The following SORCS1 variants were observed in gnomAD, a reference collection of about 807,000 sequenced individuals.
The protein encoded by SORCS1 is VPS10 domain-containing receptor SorCS1.
Under a neutral mutation model 146.1 loss-of-function variants are expected in SORCS1, and 60 were observed. The observed-to-expected ratio is 0.41, with a 90% confidence interval of 0.33 to 0.51. The LOEUF (loss-of-function observed/expected upper bound fraction) is 0.51, where lower values mean the gene tolerates loss of function less well. SORCS1 is among the 20% of genes least tolerant of loss of function. SORCS1 has a pLI of 0.21. For missense variants in SORCS1, 1,352 were observed against 1,487.6 expected, an observed-to-expected ratio of 0.91 and a Z score of 1.50; for synonymous variants, 637 against 584.0, an observed-to-expected ratio of 1.09 and a Z score of -1.31.
At chr10:106,903,274 T>C (rs1334792514) in intron 2 of SORCS1, among the ~76,000 whole-genome samples, 1 of 152,212 alleles carries the variant, frequency 6.6e-6, no homozygotes, top group Non-Finnish European at 1.5e-5. Flanking sequence ...TGGACTCTTA[T>C]GAAAGCATTT....
chr10:106,717,933 T>A (rs1855495653), intron 6 of SORCS1, among the ~76,000 whole-genome samples: 1 of 152,240 alleles, frequency 6.6e-6, no homozygotes, highest in Admixed American at 6.5e-5. Flanking sequence ...TCACTTTGTA[T>A]CACACAGAGC....
chr10:106,721,658 C>T (rs1447337492), intron 6 of SORCS1, among the ~76,000 whole-genome samples: 1 of 152,140 alleles, frequency 6.6e-6, no homozygotes, highest in South Asian at 2.1e-4. Context: ...TTTATTGTTG[C>T]AAATATTTCA....
At chr10:106,711,229 T>C (rs1203750681) in intron 6 of SORCS1, among the ~76,000 whole-genome samples, 2 of 152,204 alleles carry the variant, frequency 1.3e-5, no homozygotes, top group Non-Finnish European at 2.9e-5. Context: ...CTTTTGAGTA[T>C]AAAAAAGGAG....
intron 9 of SORCS1, among the ~76,000 whole-genome samples, chr10:106,696,450 C>G (rs373683316): frequency 1.5e-3 from 236 of 152,310 alleles, no homozygotes; most frequent in African/African-American, 5.2e-3. Flanking sequence ...AGATACGGCA[C>G]TGCCGTTCTG....
At chr10:106,937,527 T>C (rs998415895) in intron 2 of SORCS1, among the ~76,000 whole-genome samples, 3 of 152,144 alleles carry the variant, frequency 2.0e-5, no homozygotes, top group African/African-American at 7.2e-5. Flanking sequence ...CTCTCTTGCC[T>C]GCTGCCATAT....
intron 1 of SORCS1, among the ~76,000 whole-genome samples, chr10:107,041,486 G>A (rs1208627582): frequency 6.6e-5 from 10 of 152,036 alleles, no homozygotes; most frequent in African/African-American, 2.2e-4. Context: ...CCTGAAGCTA[G>A]GTCTATCAGC....
the SORCS1 span, among the ~76,000 whole-genome samples, chr10:107,175,835 A>T: frequency 6.6e-6 from 1 of 152,090 alleles, no homozygotes; most frequent in African/African-American, 2.4e-5. Context: ...AATTTGTTTT[A>T]TTATTGTATT....
At chr10:107,032,363 C>T (rs1007288755) in intron 1 of SORCS1, among the ~76,000 whole-genome samples, 1 of 152,156 alleles carries the variant, frequency 6.6e-6, no homozygotes, top group East Asian at 1.9e-4. Context: ...TCAAGATCCC[C>T]GCAGTGTTCA....
intron 3 of SORCS1, among the ~76,000 whole-genome samples, chr10:106,780,535 A>G (rs11193047): frequency 0.23 from 34,366 of 152,082 alleles, 4,378 homozygotes; most frequent in Non-Finnish European, 0.29. Context: ...AGGTCCACAT[A>G]CTGTTGTAAA....
At chr10:106,925,486 T>C (rs1952968906) in intron 2 of SORCS1, among the ~76,000 whole-genome samples, 1 of 152,180 alleles carries the variant, frequency 6.6e-6, no homozygotes, top group Non-Finnish European at 1.5e-5. Flanking sequence ...TGGCCCCTCC[T>C]GATGGTCTCA....
At chr10:106,886,492 CACTA>C (rs1288847486) in intron 2 of SORCS1, among the ~76,000 whole-genome samples, 2 of 152,144 alleles carry the variant, frequency 1.3e-5, no homozygotes, top group South Asian at 2.1e-4. Context: ...TGAGTGACAA[CACTA>C]ACTAAGCTGT....
intron 1 of SORCS1, among the ~76,000 whole-genome samples, chr10:106,982,391 AC>A (rs1956277432): frequency 6.6e-6 from 1 of 152,168 alleles, no homozygotes; most frequent in Non-Finnish European, 1.5e-5. Context: ...TTTTCAACAT[AC>A]TGTATATTCA....
At chr10:106,601,659 G>A (rs1205049045) in intron 23 of SORCS1, among the ~76,000 whole-genome samples, 3 of 152,144 alleles carry the variant, frequency 2.0e-5, no homozygotes, top group African/African-American at 7.2e-5. Context: ...ATCAAGAAAG[G>A]TCAATTTTTT....
intron 6 of SORCS1, among the ~76,000 whole-genome samples, chr10:106,712,581 A>G (rs1045630688): frequency 1.3e-5 from 2 of 152,318 alleles, no homozygotes; most frequent in East Asian, 3.9e-4. Flanking sequence ...GAGGATGCCA[A>G]TATCAACTAT....
chr10:107,160,826 C>A (rs1969645836), intron 1 of SORCS1, among the ~76,000 whole-genome samples: 1 of 152,192 alleles, frequency 6.6e-6, no homozygotes, highest in South Asian at 2.1e-4. Flanking sequence ...AAGGAATAAA[C>A]ACATACACCA....
At chr10:106,667,364 T>C (rs11599368) in intron 17 of SORCS1, 47,251 of 232,828 alleles carry the variant, frequency 0.2, 6,303 homozygotes, top group Non-Finnish European at 0.29. Flanking sequence ...TCATCATGGA[T>C]ACAATGACGG....
intron 2 of SORCS1, among the ~76,000 whole-genome samples, chr10:106,946,855 C>T (rs1250426370): frequency 6.6e-6 from 1 of 152,202 alleles, no homozygotes; most frequent in Non-Finnish European, 1.5e-5. Flanking sequence ...ATCTAGTACA[C>T]TGCTTGGCAT....
chr10:106,752,069 G>T (rs751953931), intron 5 of SORCS1, among the ~76,000 whole-genome samples: 1 of 152,140 alleles, frequency 6.6e-6, no homozygotes, highest in Non-Finnish European at 1.5e-5. Flanking sequence ...ATTGAAGCTT[G>T]GGCAGGTGAA....
intron 24 of SORCS1, among the ~76,000 whole-genome samples, chr10:106,580,051 C>A (rs1844810759): frequency 6.6e-6 from 1 of 152,018 alleles, no homozygotes. Context: ...TTTGTGAATT[C>A]AACCACCCCG....
Sources: allele counts gnomAD v4.1 joint callset (sites outside exome capture counted in the v4.1 genomes callset), GRCh38; gene constraint gnomAD v4.1.1; transcripts MANE v1.5; gene names NCBI Gene and HGNC (gene_info 2026-07-23, HGNC 2026-07-21).